The following CNTN4 variants were observed in gnomAD, a reference collection of about 807,000 sequenced individuals.
The protein encoded by CNTN4 is contactin-4.
Under a neutral mutation model 122.5 loss-of-function variants are expected in CNTN4, and 77 were observed. The observed-to-expected ratio is 0.63, with a 90% CI of 0.52 to 0.76. The LOEUF (loss-of-function observed/expected upper bound fraction) is 0.76, where lower values mean the gene tolerates loss of function less well. Among genes scored for constraint, CNTN4 ranks in the 30% least tolerant of loss-of-function variants. CNTN4 has a pLI of 0.00. For synonymous variants in CNTN4, 512 were observed against 447.0 expected (o/e 1.15, Z -1.83); for missense variants, 1,256 against 1,259.1 (o/e 1.00, Z 0.04).
At chr3:2,231,731 G>A (rs187985198) in intron 2 of CNTN4, among the ~76,000 whole-genome samples, 16 of 152,186 alleles carry the variant, frequency 1.1e-4, no homozygotes, top group Admixed American at 9.2e-4. Flanking sequence ...TATCTAAAAC[G>A]AATGGTTGAT....
chr3:2,729,011 C>T (rs1244097175), intron 4 of CNTN4, among the ~76,000 whole-genome samples: 1 of 152,142 alleles, frequency 6.6e-6, no homozygotes, highest in Admixed American at 6.5e-5. Context: ...CTGGGAACAC[C>T]ACAGCAATGA....
intron 4 of CNTN4, among the ~76,000 whole-genome samples, chr3:2,669,778 T>C (rs1487171310): frequency 6.6e-6 from 1 of 152,188 alleles, no homozygotes; most frequent in East Asian, 1.9e-4. Context: ...GTCCCAGAGA[T>C]TCTGGTATGT....
chr3:2,653,688 C>A (rs1205875447), intron 4 of CNTN4, among the ~76,000 whole-genome samples: 1 of 152,146 alleles, frequency 6.6e-6, no homozygotes, highest in African/African-American at 2.4e-5. Flanking sequence ...TGTATTGCTT[C>A]TATCTGTGTG....
At chr3:2,222,235 A>C (rs2039088621) in intron 2 of CNTN4, among the ~76,000 whole-genome samples, 1 of 152,214 alleles carries the variant, frequency 6.6e-6, no homozygotes, top group Non-Finnish European at 1.5e-5. Flanking sequence ...AGGAATACTG[A>C]TGCTACAAAA....
In CNTN4 at chr3:2,300,560, C is replaced by CTTTTTTTTT. The variant is rs575192976; in HGVS notation, c.-144-38596_-144-38588dup. ...ATGAGTTTATTTACACAGTGACCGTCTTTTTTTTTTTTTTTTTTTTTTTTT... is the reference window on the plus strand; with the variant it reads ...ATGAGTTTATTTACACAGTGACCGTCTTTTTTTTTTTTTTTTTTTTTTTTTTTTTTTTTT... On this transcript the variant is annotated intron_variant, in intron 2 of 24. Coordinates refer to ENST00000418658, the MANE Select transcript of CNTN4 (RefSeq NM_175607.3). Among the ~76,000 whole-genome samples, 5 of 62,020 alleles carry CTTTTTTTTT rather than the reference C, an allele frequency of 8.1e-5. 1 individual carries two copies. The highest frequency in any genetic ancestry group is 4.7e-4 in the East Asian group (1 of 2,140). The allele number at this position is 62,020 out of a possible 152,430, so 40.7% of individuals were successfully genotyped here. A position where few individuals can be genotyped will look rare whatever the true frequency, so the allele number is the denominator to read the frequency against.
intron 2 of CNTN4, among the ~76,000 whole-genome samples, chr3:2,239,574 C>G (rs1270843717): frequency 6.6e-6 from 1 of 152,154 alleles, no homozygotes; most frequent in Non-Finnish European, 1.5e-5. Context: ...AGCTCAGTTC[C>G]TTATTTATAG....
At chr3:3,039,962 A>G in intron 19 of CNTN4, 75 bp from the exon 20 acceptor site, 1 of 997,726 alleles carries the variant, frequency 1.0e-6, no homozygotes, top group Non-Finnish European at 1.6e-6. Flanking sequence ...AGAATGTTAC[A>G]AGGGAAACAA....
chr3:2,913,681 C>G (rs1026539689), intron 12 of CNTN4, among the ~76,000 whole-genome samples: 20 of 152,100 alleles, frequency 1.3e-4, no homozygotes, highest in African/African-American at 4.8e-4. Context: ...ATTGACAGAA[C>G]TGAAGAGAGA....
chr3:2,315,335 C>T (rs984085), intron 2 of CNTN4, among the ~76,000 whole-genome samples: 47,006 of 151,746 alleles, frequency 0.31, 7,874 homozygotes, highest in East Asian at 0.67. Context: ...AAACTTTAGA[C>T]GGGCTGTCTT....
At chr3:2,586,986 T>C (rs561688421) in intron 4 of CNTN4, among the ~76,000 whole-genome samples, 3 of 152,346 alleles carry the variant, frequency 2.0e-5, no homozygotes, top group Non-Finnish European at 4.4e-5. Context: ...TAGCTTAGAA[T>C]ATAAACTTTT....
In CNTN4 at chr3:2,482,192, C is replaced by T. The variant is rs565240072; in HGVS notation, c.-88-89224C>T. Reference sequence around the variant, plus strand: ...CTGATAGTGATATGGACAATGAAGTCCAGTCTGAGGTCATCTCAGATGGAG... The same window carrying T: ...CTGATAGTGATATGGACAATGAAGTTCAGTCTGAGGTCATCTCAGATGGAG... On this transcript the variant is annotated intron_variant, in intron 3 of 24. Coordinates refer to ENST00000418658, the MANE Select transcript of CNTN4 (RefSeq NM_175607.3). Among the ~76,000 whole-genome samples the T allele has an allele frequency of 2.4e-4, 36 of 152,198 alleles. No homozygotes were observed. In the South Asian group the frequency reaches 7.3e-3, roughly 31 times the overall value.
rs79748026 is a variant in CNTN4, at chr3:2,698,181, A to G, written c.56-38034A>G. 9.6e-3 allele frequency among the ~76,000 whole-genome samples: 1,458 copies of G among 152,342 alleles called. 20 individuals carry two copies. Among genetic ancestry groups the G allele is most frequent in the East Asian group, 0.033 (172 of 5,192 alleles). The stretch of plus-strand genomic sequence containing the variant: ...TCAGGAGAGGTTGTCAAGAGAACAT[A>G]CTATTTCATGGTAAGTTATAAAATC... On this transcript the variant is annotated intron_variant, in intron 4 of 24. Coordinates refer to ENST00000418658, the MANE Select transcript of CNTN4 (RefSeq NM_175607.3).
intron 9 of CNTN4, 136 bp from the exon 10 acceptor site, chr3:2,886,904 A>G (rs1177478649): frequency 9.0e-6 from 6 of 669,842 alleles, no homozygotes; most frequent in Non-Finnish European, 1.6e-5. Context: ...TAAAGTTATA[A>G]TGGAGATAGA....
chr3:2,155,366 C>G (rs1242266466), intron 2 of CNTN4, among the ~76,000 whole-genome samples: 1 of 152,134 alleles, frequency 6.6e-6, no homozygotes, highest in African/African-American at 2.4e-5. Context: ...CACAGATTAT[C>G]CGTACCTGGG....
intron 3 of CNTN4, among the ~76,000 whole-genome samples, chr3:2,370,017 G>A (rs1436102498): frequency 3.3e-5 from 5 of 152,060 alleles, no homozygotes; most frequent in South Asian, 2.1e-4. Flanking sequence ...TGATAGTGCC[G>A]GAACACAGCC....
chr3:2,164,257 C>A (rs1386375198), intron 2 of CNTN4, among the ~76,000 whole-genome samples: 1 of 151,696 alleles, frequency 6.6e-6, no homozygotes, highest in African/African-American at 2.4e-5. Context: ...ACAAAGTATA[C>A]CCTTTAGTAG....
intron 4 of CNTN4, among the ~76,000 whole-genome samples, chr3:2,645,617 C>T (rs1446350475): frequency 3.9e-5 from 6 of 152,136 alleles, no homozygotes; most frequent in Admixed American, 3.9e-4. Context: ...ATTTTCTTTG[C>T]TGTAATTTGT....
intron 13 of CNTN4, among the ~76,000 whole-genome samples, chr3:2,970,183 C>T (rs1265566370): frequency 1.3e-5 from 2 of 152,154 alleles, no homozygotes; most frequent in Admixed American, 1.3e-4. Flanking sequence ...TAACCTCTAA[C>T]TCCTGGGCTC....
intron 2 of CNTN4, among the ~76,000 whole-genome samples, chr3:2,225,241 G>A (rs763409156): frequency 6.7e-6 from 1 of 150,326 alleles, no homozygotes; most frequent in African/African-American, 2.5e-5. Context: ...CCTGCCAGGC[G>A]CATTGGCTCA....
Sources: gnomAD v4.1 joint callset for allele counts (sites outside exome capture counted in the v4.1 genomes callset) on GRCh38, gnomAD v4.1.1 for gene constraint, MANE v1.5 for transcripts, NCBI Gene and HGNC (gene_info 2026-07-23, HGNC 2026-07-21) for gene names.